CREBBP: variants seen among roughly 807,000 people sequenced by gnomAD.
CREBBP encodes CREB binding lysine acetyltransferase, also known as CREB-binding protein.
In CREBBP, 19 loss-of-function variants were observed where a neutral mutation model predicts 265.0. The ratio of observed to expected loss-of-function variants is 0.07; its 90% confidence interval spans 0.05 to 0.11. CREBBP has a LOEUF of 0.11. CREBBP is among the 10% of genes least tolerant of loss of function. CREBBP has a pLI of 1.00. For synonymous variants in CREBBP, 1,457 were observed against 1,223.7 expected, an observed-to-expected ratio of 1.19 and a Z score of -3.98; for missense variants, 2,525 against 3,219.0, an observed-to-expected ratio of 0.78 and a Z score of 5.22.
At chr16:3,801,262 C>G (rs1180044212) in intron 3 of CREBBP, among the ~76,000 whole-genome samples, 2 of 152,202 alleles carry the variant, frequency 1.3e-5, no homozygotes, top group South Asian at 2.1e-4. Flanking sequence ...AACTGGTGAA[C>G]AACAGGACCA....
intron 1 of CREBBP, among the ~76,000 whole-genome samples, chr16:3,877,583 G>C (rs1426719665): frequency 1.3e-5 from 2 of 152,164 alleles, no homozygotes; most frequent in Admixed American, 1.3e-4. Context: ...TTTGTATTTT[G>C]AGTACAGATG....
intron 1 of CREBBP, among the ~76,000 whole-genome samples, chr16:3,876,968 C>T (rs990226272): frequency 6.6e-6 from 1 of 152,172 alleles, no homozygotes; most frequent in Non-Finnish European, 1.5e-5. Context: ...GTGCATTTTT[C>T]TCTCAGCTCA....
chr16:3,758,190 A>T, intron 17 of CREBBP, 142 bp from the exon 18 acceptor site: 2 of 874,360 alleles, frequency 2.3e-6, no homozygotes, highest in East Asian at 5.3e-5. Context: ...ATAGGAAATG[A>T]AAAGAAAATA....
Position 3,726,986 on chromosome 16 carries a change from GAAAGA to G in CREBBP, c.*727_*731del, listed in dbSNP as rs1784796839. 4.3e-6 allele frequency: 1 copy of G among 233,302 alleles called. No individual in the cohort carries two copies. The highest frequency in any genetic ancestry group is 2.2e-5 in the African/African-American group (1 of 45,440). 14.5% of individuals were successfully genotyped at this position (233,302 alleles called of 1,614,324 possible). ...TCCTCATTTCAAGTTTCACATAGAA[GAAAGA>G]AAAGAAGGCTTCTTCTCTAGTAACA... On this transcript the variant is annotated 3_prime_UTR_variant, in exon 31 of 31. Coordinates refer to ENST00000262367, the MANE Select transcript of CREBBP (RefSeq NM_004380.3).
chr16:3,751,799 A>G lies in CREBBP; in HGVS notation c.3706T>C (p.Phe1236Leu). Residue 1236 changes from phenylalanine (F) to leucine (L), a missense_variant, in exon 20 of 31, where the codon TTC becomes CTC. This residue lies in a region of CREBBP where 252 missense variants were observed against 452.5 expected (regional missense o/e 0.56). Transcript: ENST00000262367. ...AYYSYQNRYHFCEKCFTEIQG... is the reference protein window; with the variant it reads ...AYYSYQNRYHLCEKCFTEIQG... ...ATCTCTGTGAAACACTTCTCACAGA[A>G]ATGATACCTGTCAGCAAGAAGGCCA... 3.1e-6 allele frequency: 5 copies of G among 1,614,110 alleles called. No homozygotes were observed. Among genetic ancestry groups the G allele is most frequent in the Non-Finnish European group, 4.2e-6 (5 of 1,180,010 alleles).
intron 1 of CREBBP, among the ~76,000 whole-genome samples, chr16:3,867,456 C>A (rs2141569343): frequency 6.6e-6 from 1 of 152,058 alleles, no homozygotes; most frequent in South Asian, 2.1e-4. Flanking sequence ...CTCACCACTG[C>A]ACTTCAGCTT....
intron 1 of CREBBP, among the ~76,000 whole-genome samples, chr16:3,879,318 C>G (rs940985229): frequency 6.6e-6 from 1 of 152,138 alleles, no homozygotes; most frequent in Non-Finnish European, 1.5e-5. Flanking sequence ...CTCACTCATT[C>G]CAAGAAACTT....
At chr16:3,732,752 G>C (rs2151321530) in intron 28 of CREBBP, among the ~76,000 whole-genome samples, 1 of 151,790 alleles carries the variant, frequency 6.6e-6, no homozygotes, top group East Asian at 2.0e-4. Context: ...CCAAGCTGAA[G>C]TGCAATAACG....
chr16:3,786,883 G>C (rs1295702852), intron 5 of CREBBP, among the ~76,000 whole-genome samples: 2 of 152,048 alleles, frequency 1.3e-5, no homozygotes, highest in Non-Finnish European at 2.9e-5. Flanking sequence ...GACCAGCCTG[G>C]ACAACATGGT....
At chr16:3,737,132 C>T in intron 26 of CREBBP, 1 of 469,346 alleles carries the variant, frequency 2.1e-6, no homozygotes, top group South Asian at 2.1e-5. Context: ...CCATCCCCTT[C>T]CTCCTGTGCA....
intron 15 of CREBBP, among the ~76,000 whole-genome samples, chr16:3,768,753 T>G (rs1435763448): frequency 2.0e-5 from 3 of 152,184 alleles, no homozygotes; most frequent in Non-Finnish European, 4.4e-5. Flanking sequence ...AATTTCCTGA[T>G]TTTTAAGGTA....
intron 9 of CREBBP, 118 bp downstream of exon 9, chr16:3,778,582 G>T: frequency 1.1e-6 from 1 of 899,302 alleles, no homozygotes; most frequent in Non-Finnish European, 1.9e-6. Flanking sequence ...GTGGCCTCAA[G>T]GGGAGGAGTC....
chr16:3,746,524 C>G (rs2052346675), intron 21 of CREBBP, among the ~76,000 whole-genome samples: 1 of 152,188 alleles, frequency 6.6e-6, no homozygotes, highest in African/African-American at 2.4e-5. Context: ...AACTCAGCCA[C>G]TGAGCTCATC....
chr16:3,791,138 G>C (rs1470904544), intron 5 of CREBBP: 4 of 152,596 alleles, frequency 2.6e-5, no homozygotes, highest in African/African-American at 9.7e-5. Flanking sequence ...GGAGACTGAA[G>C]GGCACTTCCT....
rs1428912044 is a variant in CREBBP, at chr16:3,728,732, T to A, written c.6315A>T (p.Thr2105=). 2 of 1,613,916 alleles carry A rather than the reference T, an allele frequency of 1.2e-6. No individual in the cohort carries two copies. The highest frequency in any genetic ancestry group is 2.2e-5 in the South Asian group (2 of 91,086). The change falls in exon 31 of 31, where the codon ACA becomes ACT. Residue 2105 remains threonine, a synonymous_variant. Transcript: ENST00000262367. This position sits in a 1 kb window ranked among gnomAD's most constrained non-coding sequence, Gnocchi z 8.7. ...QLMAAFIKQR[T]AKYVANQPGM... ...CGGGCTGATTGGCCACGTACTTGGC[T>A]GTGCGCTGTTTGATGAAAGCTGCCA...
intron 1 of CREBBP, among the ~76,000 whole-genome samples, chr16:3,859,741 G>C (rs576848192): frequency 1.1e-3 from 170 of 152,326 alleles, no homozygotes; most frequent in African/African-American, 4.0e-3. Context: ...AGGGTTCAGA[G>C]AGCTTCCAGA....
intron 5 of CREBBP, among the ~76,000 whole-genome samples, chr16:3,786,929 C>T (rs1013336533): frequency 6.6e-5 from 10 of 151,970 alleles, no homozygotes; most frequent in Admixed American, 6.6e-4. Flanking sequence ...ATAAAGTAGC[C>T]AGGCATGGTG....
intron 3 of CREBBP, among the ~76,000 whole-genome samples, chr16:3,803,417 A>T (rs2053765676): frequency 6.6e-6 from 1 of 151,972 alleles, no homozygotes; most frequent in Admixed American, 6.6e-5. Flanking sequence ...AGGCAGGAGA[A>T]TAGCTTGAAC....
intron 2 of CREBBP, among the ~76,000 whole-genome samples, chr16:3,827,385 TTTTTA>T (rs1476002916): frequency 6.6e-6 from 1 of 152,134 alleles, no homozygotes; most frequent in Non-Finnish European, 1.5e-5. Flanking sequence ...TCTTGCTTAC[TTTTTA>T]TTTTATTGAT....
Sources: allele counts gnomAD v4.1 joint callset (sites outside exome capture counted in the v4.1 genomes callset), GRCh38; gene constraint gnomAD v4.1.1; regional missense constraint gnomAD v4.1.1; non-coding constraint Gnocchi (gnomAD v3.1); transcripts MANE v1.5; gene names NCBI Gene and HGNC (gene_info 2026-07-23, HGNC 2026-07-21).